Variants in DNM3 observed in about 807,000 individuals in gnomAD.
The protein encoded by DNM3 is dynamin-3.
A neutral mutation model predicts 101.6 loss-of-function variants in DNM3; 47 were observed. That is an observed-to-expected ratio of 0.46 (90% CI 0.37 to 0.59). The LOEUF is 0.59. Among genes scored for constraint, DNM3 ranks in the 20% least tolerant of loss-of-function variants. DNM3 has a pLI of 0.00. For missense variants in DNM3, 849 were observed against 1,085.7 expected (o/e 0.78, Z 3.06); for synonymous variants, 385 against 387.9 (o/e 0.99, Z 0.09).
chr1:171,862,624 G>A (rs2034295655), intron 1 of DNM3, among the ~76,000 whole-genome samples: 1 of 151,924 alleles, frequency 6.6e-6, no homozygotes, highest in Non-Finnish European at 1.5e-5. Context: ...AGTTTTTCTT[G>A]GGTGATAAAA....
At chr1:172,413,870 A>C (rs1316886727), downstream of DNM3, among the ~76,000 whole-genome samples, 1 of 152,208 alleles carries the variant, frequency 6.6e-6, no homozygotes, top group African/African-American at 2.4e-5. Context: ...CCTTCAAAGG[A>C]AGCTTCTTAC....
Position 172,408,207 on chromosome 1 carries a change from T to C in DNM3, c.*366T>C, listed in dbSNP as rs2071026936. On this transcript the variant is annotated 3_prime_UTR_variant, in exon 21 of 21. Transcript: ENST00000627582. ...ACGTAATTCTTCAGATATGAGATAG[T>C]GGGCTTAGACCTAAGCCATACATAT... 9.5e-7 allele frequency: 1 copy of C among 1,056,424 alleles called. No homozygotes were observed. The highest frequency in any genetic ancestry group is 4.5e-4 in the Middle Eastern group (1 of 2,236). The allele number at this position is 1,056,424 out of a possible 1,614,324, so 65.4% of individuals were successfully genotyped here.
intron 1 of DNM3, among the ~76,000 whole-genome samples, chr1:171,886,271 A>G (rs1037846398): frequency 3.3e-5 from 5 of 152,232 alleles, no homozygotes; most frequent in African/African-American, 1.2e-4. Flanking sequence ...TGATTTGTCT[A>G]TACAGCCTCA....
intron 13 of DNM3, among the ~76,000 whole-genome samples, chr1:172,127,920 T>C (rs946133686): frequency 3.9e-5 from 6 of 152,150 alleles, no homozygotes; most frequent in Non-Finnish European, 7.4e-5. Flanking sequence ...CCATTCACTT[T>C]TCGACCCAAA....
chr1:172,113,149 T>C (rs2055608554), intron 13 of DNM3, among the ~76,000 whole-genome samples: 1 of 152,166 alleles, frequency 6.6e-6, no homozygotes, highest in Admixed American at 6.5e-5. Flanking sequence ...CTTGATGAGA[T>C]AAGAAAGTCA....
rs551354581 is a variant in DNM3 at position 171,949,868 on chromosome 1, G to A, written c.235+28047G>A. Among the ~76,000 whole-genome samples the A allele has an allele frequency of 4.6e-5, 7 of 152,204 alleles. No individual in the cohort carries two copies. In the South Asian group the frequency reaches 1.5e-3, roughly 32 times the overall value. ...CACAACCACTTTGGAAAAGAGTTTT[G>A]CACTTTCTCAAAAAGTTACACATGT... On this transcript the variant is annotated intron_variant, in intron 2 of 20. Transcript: ENST00000627582.
intron 14 of DNM3, among the ~76,000 whole-genome samples, chr1:172,163,987 A>ACC (rs1558663000): frequency 2.1e-5 from 3 of 143,580 alleles, no homozygotes; most frequent in African/African-American, 2.6e-5. Context: ...ACACACACAC[A>ACC]TCTCACATTT....
At chr1:172,216,434 A>G (rs1247223742) in intron 14 of DNM3, among the ~76,000 whole-genome samples, 2 of 152,080 alleles carry the variant, frequency 1.3e-5, no homozygotes, top group Non-Finnish European at 2.9e-5. Flanking sequence ...CCCCATTTAA[A>G]AATAAGCAGA....
At chr1:172,170,713 G>A (rs548751550) in intron 14 of DNM3, among the ~76,000 whole-genome samples, 19 of 151,778 alleles carry the variant, frequency 1.3e-4, no homozygotes, top group South Asian at 4.1e-4. Context: ...GAGCCAGGGA[G>A]CATTTCAGTA....
Position 172,377,212 on chromosome 1 carries a change from T to G in DNM3, c.1894-1806T>G, listed in dbSNP as rs530489263. Among the ~76,000 whole-genome samples, 20 of 122,118 alleles carry G rather than the reference T, an allele frequency of 1.6e-4. 1 individual carries two copies. The highest frequency in any genetic ancestry group is 2.3e-4 in the Non-Finnish European group (12 of 52,706). 80.1% of individuals were successfully genotyped at this position (122,118 alleles called of 152,430 possible). A position where few individuals can be genotyped will look rare whatever the true frequency, so the allele number is the denominator to read the frequency against. ...TTTATCTAACATTTATTGAACAAAT[T>G]TCAGTTCTCAGAGCTTGAATATATT... On this transcript the variant is annotated intron_variant, in intron 17 of 20. Transcript: ENST00000627582.
At chr1:172,079,475 A>G (rs12568723) in intron 11 of DNM3, among the ~76,000 whole-genome samples, 2,791 of 151,934 alleles carry the variant, frequency 0.018, 83 homozygotes, top group East Asian at 0.14. Flanking sequence ...CCATCAGGTC[A>G]TTTATATTCT....
At chr1:171,886,960 G>A (rs1003636791) in intron 1 of DNM3, among the ~76,000 whole-genome samples, 1 of 152,134 alleles carries the variant, frequency 6.6e-6, no homozygotes. Flanking sequence ...TTTGGTTATA[G>A]TAAAATTGTA....
rs530396105 is a variant in DNM3 at position 172,317,698 on chromosome 1, G to A, written c.1882-5631G>A. Among the ~76,000 whole-genome samples, 509 of 152,286 alleles carry A rather than the reference G, an allele frequency of 3.3e-3. 3 individuals carry two copies. Among genetic ancestry groups the A allele is most frequent in the Non-Finnish European group, 5.6e-3 (379 of 68,028 alleles). Reference sequence around the variant, plus strand: ...CCCAAGACTAAACCAGGAAGAAGTTGAATCTCTGAATAGACCAGTAACAGG... The same window carrying A: ...CCCAAGACTAAACCAGGAAGAAGTTAAATCTCTGAATAGACCAGTAACAGG... On this transcript the variant is annotated intron_variant, in intron 16 of 20. Coordinates refer to ENST00000627582, the MANE Select transcript of DNM3 (RefSeq NM_015569.5).
intron 20 of DNM3, among the ~76,000 whole-genome samples, chr1:172,398,135 G>A (rs2070167465): frequency 6.6e-6 from 1 of 152,128 alleles, no homozygotes; most frequent in South Asian, 2.1e-4. Context: ...GAATACTGAA[G>A]GTAGCACTGA....
intron 4 of DNM3, among the ~76,000 whole-genome samples, chr1:172,027,776 G>C (rs2048320124): frequency 6.6e-6 from 1 of 152,092 alleles, no homozygotes; most frequent in Admixed American, 6.5e-5. Context: ...TGCAATCCTA[G>C]TCTCTGATAA....
chr1:171,950,966 T>G (rs1402921213), intron 2 of DNM3, among the ~76,000 whole-genome samples: 1 of 152,116 alleles, frequency 6.6e-6, no homozygotes, highest in Non-Finnish European at 1.5e-5. Context: ...CTCCTCTTCC[T>G]CCTCCATTTT....
chr1:172,150,369 A>G (rs574147175), intron 14 of DNM3, among the ~76,000 whole-genome samples: 1 of 152,304 alleles, frequency 6.6e-6, no homozygotes, highest in East Asian at 1.9e-4. Flanking sequence ...TTTAGTATTA[A>G]TCAACTAAAA....
intron 15 of DNM3, among the ~76,000 whole-genome samples, chr1:172,289,237 A>G (rs1029924222): frequency 2.6e-5 from 4 of 152,100 alleles, no homozygotes; most frequent in African/African-American, 9.7e-5. Flanking sequence ...AAATCTAGGG[A>G]AAAAGGTATA....
chr1:172,144,061 T>C (rs2057740921), intron 14 of DNM3, among the ~76,000 whole-genome samples: 2 of 152,230 alleles, frequency 1.3e-5, no homozygotes, highest in South Asian at 4.1e-4. Context: ...ATCTTTGAAT[T>C]ATTATTAAAC....
Sources: allele counts gnomAD v4.1 joint callset (sites outside exome capture counted in the v4.1 genomes callset), GRCh38; gene constraint gnomAD v4.1.1; transcripts MANE v1.5; gene names NCBI Gene and HGNC (gene_info 2026-07-23, HGNC 2026-07-21).